PREX1: variants seen among roughly 807,000 people sequenced by gnomAD.
The protein encoded by PREX1 is phosphatidylinositol-3,4,5-trisphosphate dependent Rac exchange factor 1, also known as phosphatidylinositol 3,4,5-trisphosphate-dependent Rac exchanger 1 protein.
PREX1 carries 41 observed loss-of-function variants against 198.3 expected under a neutral mutation model. That is an observed-to-expected ratio of 0.21 (90% CI 0.16 to 0.27). The LOEUF is 0.27. PREX1 is among the 10% of genes least tolerant of loss of function. The pLI is 1.00. For missense variants in PREX1, 1,620 were observed against 2,200.7 expected (o/e 0.74, Z 5.28); for synonymous variants, 843 against 887.2 (o/e 0.95, Z 0.89).
At position 48,693,188 on chromosome 20, in the gene PREX1, GTCCATCCATCCA is replaced by G. The variant is rs10626115; in HGVS notation, c.918-410_918-399del. On this transcript the variant is annotated intron_variant, in intron 7 of 39. Coordinates refer to ENST00000371941, the MANE Select transcript of PREX1 (RefSeq NM_020820.4). Reference sequence around the variant, plus strand: ...AAGGAGGGCTTGGAACTGGCAGTCCGTCCATCCATCCATCCATCCATCCATCCATCCATCCAT... The same window carrying G: ...AAGGAGGGCTTGGAACTGGCAGTCCGTCCATCCATCCATCCATCCATCCAT... Among the ~76,000 whole-genome samples, 42 of 150,920 alleles carry G rather than the reference GTCCATCCATCCA, an allele frequency of 2.8e-4. No individual in the cohort carries two copies. The East Asian group carries it at 6.0e-3, about 22-fold the overall frequency.
At chr20:48,657,734 C>T (rs1456890454) in intron 17 of PREX1, among the ~76,000 whole-genome samples, 1 of 151,926 alleles carries the variant, frequency 6.6e-6, no homozygotes, top group African/African-American at 2.4e-5. Context: ...GCCGGAAGGC[C>T]CCAGGGCTGA....
chr20:48,769,413 G>A (rs913528179), intron 1 of PREX1, among the ~76,000 whole-genome samples: 6 of 152,102 alleles, frequency 3.9e-5, no homozygotes, highest in African/African-American at 1.2e-4. Flanking sequence ...CTCTACCGTC[G>A]TCGCTGGGGC....
intron 10 of PREX1, among the ~76,000 whole-genome samples, chr20:48,685,808 C>A (rs546600881): frequency 6.6e-4 from 100 of 152,220 alleles, no homozygotes; most frequent in African/African-American, 2.3e-3. Context: ...GCAGGAAGAT[C>A]GCTTGAGCCC....
chr20:48,873,578 G>A, the PREX1 span, among the ~76,000 whole-genome samples: 3,607 of 145,586 alleles, frequency 0.025, 71 homozygotes, highest in African/African-American at 0.048. Flanking sequence ...AAAAAAAGCC[G>A]GTATGGTGGC....
At chr20:48,707,846 A>G (rs2089910424) in intron 6 of PREX1, among the ~76,000 whole-genome samples, 1 of 152,188 alleles carries the variant, frequency 6.6e-6, no homozygotes. Flanking sequence ...ACATTTGCCT[A>G]AAGTCACCCA....
chr20:48,887,965 A>T, the PREX1 span, among the ~76,000 whole-genome samples: 1 of 151,150 alleles, frequency 6.6e-6, no homozygotes, highest in African/African-American at 2.5e-5. Flanking sequence ...AATAAATTAA[A>T]TAAATAAATA....
At position 48,688,874 on chromosome 20, in the gene PREX1, G is replaced by T. The variant is rs2089801067; in HGVS notation, c.1187-70C>A. 3 of 1,587,190 alleles carry T rather than the reference G, an allele frequency of 1.9e-6. No individual in the cohort carries two copies. In the African/African-American group the frequency reaches 4.0e-5, roughly 21 times the overall value. ...GGCAGGGGGGGTAGGGGGAGACAAG[G>T]GGCAGGCCCACAGCTCCTGAAAGCT... is the stretch of plus-strand genomic sequence containing the variant. On this transcript the variant is annotated intron_variant, in intron 9 of 39. Coordinates refer to ENST00000371941, the MANE Select transcript of PREX1 (RefSeq NM_020820.4).
intron 15 of PREX1, among the ~76,000 whole-genome samples, chr20:48,664,210 T>G (rs527332675): frequency 6.6e-6 from 1 of 152,036 alleles, no homozygotes; most frequent in East Asian, 1.9e-4. Flanking sequence ...CCATCTCTAC[T>G]AAAAAATACA....
intron 1 of PREX1, among the ~76,000 whole-genome samples, chr20:48,766,668 T>A (rs114430529): frequency 1.3e-5 from 2 of 152,290 alleles, no homozygotes; most frequent in African/African-American, 2.4e-5. Context: ...ATGCATAGGC[T>A]CCCATACTTA....
chr20:48,778,867 C>T (rs1277156990), intron 1 of PREX1, among the ~76,000 whole-genome samples: 4 of 151,974 alleles, frequency 2.6e-5, no homozygotes, highest in Admixed American at 6.6e-5. Context: ...CAAAAGTAAA[C>T]TCAAAATGGA....
intron 1 of PREX1, among the ~76,000 whole-genome samples, chr20:48,802,447 C>A (rs1000709243): frequency 1.3e-5 from 2 of 152,236 alleles, no homozygotes; most frequent in East Asian, 3.8e-4. Context: ...ACAGGCTACT[C>A]TTCCTGCCTT....
chr20:48,835,569 TGGGCCCCACCTGTGTTCC>T, the PREX1 span, among the ~76,000 whole-genome samples: 3 of 152,070 alleles, frequency 2.0e-5, no homozygotes, highest in African/African-American at 7.2e-5. Flanking sequence ...AGTGAGGGAG[TGGGCCCCACCTGTGTTCC>T]GGGCAGCAGG....
In PREX1 at chr20:48,691,137, C is replaced by T. The variant is rs200847977; in HGVS notation, c.1037-41G>A. On this transcript the variant is annotated intron_variant, in intron 8 of 39. Transcript: ENST00000371941. This position sits in a 1 kb window ranked among gnomAD's most constrained non-coding sequence, Gnocchi z 5.0. ...GGCAAAGGTGCAGCAGAGACTCAGC[C>T]GCGTGACCTTCAACACTCCCCATTG... 375 of 1,613,390 alleles carry T rather than the reference C, an allele frequency of 2.3e-4. 5 individuals carry two copies. The South Asian group carries it at 3.6e-3, about 16-fold the overall frequency.
chr20:48,662,503 G>T (rs1179826649), intron 15 of PREX1, among the ~76,000 whole-genome samples: 1 of 152,126 alleles, frequency 6.6e-6, no homozygotes, highest in Non-Finnish European at 1.5e-5. Context: ...TTGTCTACAA[G>T]AATAACAACA....
In PREX1 at chr20:48,645,852, T is replaced by C. The variant is rs753506874; in HGVS notation, c.3511A>G (p.Ser1171Gly). 6.2e-7 allele frequency: 1 copy of C among 1,613,992 alleles called. No individual in the cohort carries two copies. Among genetic ancestry groups the C allele is most frequent in the Non-Finnish European group, 8.5e-7 (1 of 1,179,952 alleles). Residue 1171 changes from serine (S) to glycine (G), a missense_variant and splice_region_variant, in exon 26 of 40, where the codon AGC becomes GGC. This residue lies in a region of PREX1 where 29 missense variants were observed against 26.1 expected (regional missense o/e 1.11). Coordinates refer to ENST00000371941, the MANE Select transcript of PREX1 (RefSeq NM_020820.4). ...HDTMSYRDSY[S>G]ECNSNRDSVL... ...CAGCCCCCTGACGGTGACACCCACC[T>C]GTAGGAGTCGCGATAACTCATGGTG...
chr20:48,884,820 CAA>C, the PREX1 span, among the ~76,000 whole-genome samples: 1 of 152,108 alleles, frequency 6.6e-6, no homozygotes, highest in Admixed American at 6.6e-5. Flanking sequence ...AGTAAAAAGA[CAA>C]ATAAACCGGC....
intron 1 of PREX1, among the ~76,000 whole-genome samples, chr20:48,802,868 C>T (rs983049330): frequency 4.6e-5 from 7 of 152,216 alleles, no homozygotes; most frequent in Non-Finnish European, 7.3e-5. Flanking sequence ...GGCCGTTCTG[C>T]GAGCTTGTAA....
chr20:48,698,712 A>T (rs536666175), intron 7 of PREX1, among the ~76,000 whole-genome samples: 1 of 152,142 alleles, frequency 6.6e-6, no homozygotes, highest in Non-Finnish European at 1.5e-5. Context: ...GGAAAGGGCA[A>T]TGGGGAAGGG....
At chr20:48,817,345 T>G (rs1170530819) in intron 1 of PREX1, among the ~76,000 whole-genome samples, 1 of 152,104 alleles carries the variant, frequency 6.6e-6, no homozygotes, top group Non-Finnish European at 1.5e-5. Flanking sequence ...TTATTTCAAG[T>G]CCCAGGAAGG....
Sources: gnomAD v4.1 joint callset for allele counts (sites outside exome capture counted in the v4.1 genomes callset) on GRCh38, gnomAD v4.1.1 for gene constraint, gnomAD v4.1.1 regional missense constraint, Gnocchi (gnomAD v3.1) non-coding constraint, MANE v1.5 for transcripts, NCBI Gene and HGNC (gene_info 2026-07-23, HGNC 2026-07-21) for gene names.